PDHA1: variants seen among roughly 807,000 people sequenced by gnomAD.
PDHA1 encodes pyruvate dehydrogenase E1 component subunit alpha, somatic form, mitochondrial.
A neutral mutation model predicts 33.0 loss-of-function variants in PDHA1; 1 was observed. The ratio of observed to expected loss-of-function variants is 0.03; its 90% CI spans 0.01 to 0.14. PDHA1 has a LOEUF of 0.14. PDHA1 is among the 10% of genes least tolerant of loss of function. PDHA1 has a pLI of 1.00. For missense variants in PDHA1, 168 were observed against 325.1 expected, an observed-to-expected ratio of 0.52 and a Z score of 3.72; for synonymous variants, 123 against 119.2, an observed-to-expected ratio of 1.03 and a Z score of -0.21.
chrX:19,349,509 G>A (rs752938300), intron 2 of PDHA1, 138 bp downstream of exon 2: 336 of 490,264 alleles, frequency 6.9e-4, no homozygotes, highest in Non-Finnish European at 8.3e-4. Flanking sequence ...GAAGTTCAGA[G>A]AAGCTTCACG....
intron 10 of PDHA1, among the ~76,000 whole-genome samples, chrX:19,359,226 AGATTTTG>A (rs1274767385): frequency 9.0e-6 from 1 of 111,727 alleles, no homozygotes; most frequent in African/African-American, 3.3e-5. Flanking sequence ...TTCAGATTTC[AGATTTTG>A]GTGGACTGTG....
At position 19,360,921 on chromosome X, in the gene PDHA1, A is replaced by AAAT. The variant is rs2063277426; in HGVS notation, c.*1271_*1273dup. The AAAT allele has an allele frequency of 3.2e-5, 22 of 682,923 alleles. No homozygotes were observed. The South Asian group carries it at 5.9e-4, about 18-fold the overall frequency. The allele number at this position is 682,923 out of a possible 1,213,427, so 56.3% of individuals were successfully genotyped here. Reference sequence around the variant, plus strand: ...AGTCCCTAATTTAAAAACCTAATGAAAATAAAAACATTCTCCTCACATATG... The same window carrying AAAT: ...AGTCCCTAATTTAAAAACCTAATGAAAATAATAAAAACATTCTCCTCACATATG... On this transcript the variant is annotated 3_prime_UTR_variant, in exon 11 of 11. Coordinates refer to ENST00000422285, the MANE Select transcript of PDHA1 (RefSeq NM_000284.4).
At position 19,360,045 on chromosome X, in the gene PDHA1, G is replaced by A. The variant is rs56318063; in HGVS notation, c.*392G>A. 0.012 allele frequency: 2,460 copies of A among 213,093 alleles called. 45 individuals are homozygous for A. The highest frequency in any genetic ancestry group is 0.093 in the African/African-American group (1,891 of 20,399). 17.6% of individuals were successfully genotyped at this position (213,093 alleles called of 1,213,427 possible). The stretch of plus-strand genomic sequence containing the variant: ...AGCGCTGGTGCTGCAGCCTGTTCGC[G>A]CTGACCATTTCTCTACAAGATACAA... On this transcript the variant is annotated 3_prime_UTR_variant, in exon 11 of 11. Transcript: ENST00000422285.
rs370565981 is a variant in PDHA1, at chrX:19,361,315, T to C, written c.*1662T>C. ...ACACATAAAAAGTTGTATTCTCTTA[T>C]ACAAACTGTTTTGAGGCTCTTACCG... On this transcript the variant is annotated 3_prime_UTR_variant, in exon 11 of 11. Coordinates refer to ENST00000422285, the MANE Select transcript of PDHA1 (RefSeq NM_000284.4). The C allele has an allele frequency of 7.2e-5, 83 of 1,155,226 alleles. No homozygotes were observed. Among genetic ancestry groups the C allele is most frequent in the Non-Finnish European group, 9.3e-5 (79 of 849,677 alleles).
chrX:19,357,529 A>T, intron 8 of PDHA1, 123 bp from the exon 9 acceptor site: 1 of 587,492 alleles, frequency 1.7e-6, no homozygotes, highest in Non-Finnish European at 3.1e-6. Context: ...GTGACAACTC[A>T]GAAGATCTGA....
At position 19,359,462 on chromosome X, in the gene PDHA1, CCTTTTACA is replaced by C; in HGVS notation, c.1009-24_1009-17del. 1 of 1,187,556 alleles carries C rather than the reference CCTTTTACA, an allele frequency of 8.4e-7. No homozygotes were observed. The highest frequency in any genetic ancestry group is 1.1e-6 in the Non-Finnish European group (1 of 873,900). On this transcript the variant is annotated intron_variant, in intron 10 of 10. Transcript: ENST00000422285. ...ACCTAAGCTGCTGTTCATTCTAAAACCTTTTACACTGTTACCTAATTTTTAGGAAATTG... is the reference window on the plus strand; with the variant it reads ...ACCTAAGCTGCTGTTCATTCTAAAACCTGTTACCTAATTTTTAGGAAATTG...
intron 1 of PDHA1, chrX:19,345,752 C>CA (rs772910390): frequency 3.8e-6 from 1 of 263,878 alleles, no homozygotes. Flanking sequence ...GGGTCCCCCC[C>CA]CCCCCGCCAC....
chrX:19,356,036 C>T (rs1358161847), intron 8 of PDHA1, among the ~76,000 whole-genome samples: 1 of 112,002 alleles, frequency 8.9e-6, no homozygotes, highest in Non-Finnish European at 1.9e-5. Context: ...TAGGTTAATT[C>T]TGTCCCTCCT....
chrX:19,353,632 T>C (rs749209647), intron 5 of PDHA1, among the ~76,000 whole-genome samples: 1 of 111,828 alleles, frequency 8.9e-6, no homozygotes, highest in Non-Finnish European at 1.9e-5. Flanking sequence ...GGGGCTTGGT[T>C]TGCTTTTAAA....
chrX:19,354,944 T>C (rs894329100), intron 6 of PDHA1, among the ~76,000 whole-genome samples: 2 of 112,638 alleles, frequency 1.8e-5, no homozygotes, highest in Admixed American at 1.9e-4. Context: ...CCTAACTCAG[T>C]TTCTATGCTT....
chrX:19,344,746 C>G (rs779901404), intron 1 of PDHA1, among the ~76,000 whole-genome samples: 1 of 112,874 alleles, frequency 8.9e-6, no homozygotes, highest in Non-Finnish European at 1.9e-5. Flanking sequence ...CGTGTGGAAA[C>G]GATTCCAAAT....
intron 1 of PDHA1, chrX:19,346,555 C>G: frequency 5.8e-6 from 4 of 691,865 alleles, no homozygotes; most frequent in Non-Finnish European, 8.3e-6. Flanking sequence ...CATCTCCAGG[C>G]TCAAGCAGTC....
chrX:19,357,433 A>T (rs752042245), intron 8 of PDHA1: 13 of 440,395 alleles, frequency 3.0e-5, no homozygotes, highest in African/African-American at 1.9e-4. Context: ...CTGTTGGCAG[A>T]TTGCCTTATT....
intron 6 of PDHA1, among the ~76,000 whole-genome samples, chrX:19,354,949 A>T (rs778204113): frequency 8.9e-6 from 1 of 112,570 alleles, no homozygotes; most frequent in African/African-American, 3.2e-5. Flanking sequence ...CTCAGTTTCT[A>T]TGCTTCTCTT....
At chrX:19,358,891 G>A (rs999869133) in intron 9 of PDHA1, 25 bp from the exon 10 acceptor site, 7 of 902,419 alleles carry the variant, frequency 7.8e-6, no homozygotes, top group Non-Finnish European at 8.1e-6. Context: ...CTTACTGATC[G>A]ATTACTACTT....
chrX:19,359,262 A>G (rs564438908), intron 10 of PDHA1, among the ~76,000 whole-genome samples: 1 of 112,057 alleles, frequency 8.9e-6, no homozygotes, highest in South Asian at 3.7e-4. Flanking sequence ...TCACAGTGGC[A>G]AAGCCCCCAC....
In PDHA1 at chrX:19,350,045, T is replaced by C; in HGVS notation, c.226T>C (p.Leu76=). 8.3e-7 allele frequency: 1 copy of C among 1,204,788 alleles called. No individual in the cohort carries two copies. Among genetic ancestry groups the C allele is most frequent in the Non-Finnish European group, 1.1e-6 (1 of 889,607 alleles). Residue 76 remains leucine, a synonymous_variant, in exon 3 of 11, where the codon TTG becomes CTG. Coordinates refer to ENST00000422285, the MANE Select transcript of PDHA1 (RefSeq NM_000284.4). The part of the protein sequence containing the change: ...RMMQTVRRME[L]KADQLYKQKI... Reference sequence around the variant, plus strand: ...GATGCAGACTGTACGCCGAATGGAGTTGAAAGCAGATCAGCTGTATAAACA... The same window carrying C: ...GATGCAGACTGTACGCCGAATGGAGCTGAAAGCAGATCAGCTGTATAAACA...
chrX:19,351,795 G>GTTTTTTTTTTTT (rs780357581), intron 4 of PDHA1, among the ~76,000 whole-genome samples: 2 of 74,388 alleles, frequency 2.7e-5, no homozygotes, highest in African/African-American at 1.3e-4. Flanking sequence ...TGTTTTGGTG[G>GTTTTTTTTTTTT]TTTTTTTTTT....
chrX:19,354,454 T>G, intron 5 of PDHA1, 37 bp from the exon 6 acceptor site: 1 of 858,768 alleles, frequency 1.2e-6, no homozygotes, highest in African/African-American at 2.0e-5. Flanking sequence ...CCCTCATGGA[T>G]TTCTGTGGTT....
Sources: allele counts gnomAD v4.1 joint callset (sites outside exome capture counted in the v4.1 genomes callset), GRCh38; gene constraint gnomAD v4.1.1; transcripts MANE v1.5; gene names NCBI Gene and HGNC (gene_info 2026-07-23, HGNC 2026-07-21).